DEPDC5: variants seen among roughly 807,000 people sequenced by gnomAD.
DEPDC5 encodes the protein DEP domain containing 5, GATOR1 subcomplex subunit.
In DEPDC5, 73 loss-of-function variants were observed where a neutral mutation model predicts 217.3. That is an observed-to-expected ratio of 0.34 (90% confidence interval 0.28 to 0.41). DEPDC5 has a LOEUF of 0.41. DEPDC5 is among the 10% of genes least tolerant of loss of function. DEPDC5 has a pLI of 1.00. For synonymous variants in DEPDC5, 733 were observed against 756.7 expected (o/e 0.97, Z 0.51); for missense variants, 1,675 against 2,070.1 (o/e 0.81, Z 3.70).
intron 10 of DEPDC5, among the ~76,000 whole-genome samples, chr22:31,787,814 T>TAA (rs373550815): frequency 7.8e-6 from 1 of 127,414 alleles, no homozygotes; most frequent in African/African-American, 2.9e-5. Flanking sequence ...CCTGTCTCTT[T>TAA]AAAAAAAAAA....
At chr22:31,784,072 C>A in intron 9 of DEPDC5, 87 bp downstream of exon 9, 1 of 1,040,160 alleles carries the variant, frequency 9.6e-7, no homozygotes, top group Non-Finnish European at 1.4e-6. Context: ...CAGGGTCCCC[C>A]ACATCATCTT....
At chr22:31,896,771 C>G (rs1262106007) in intron 39 of DEPDC5, among the ~76,000 whole-genome samples, 1 of 152,186 alleles carries the variant, frequency 6.6e-6, no homozygotes, top group Non-Finnish European at 1.5e-5. Flanking sequence ...TCACATTTCT[C>G]TCAGCCAGCC....
chr22:31,853,240 T>G lies in DEPDC5; in HGVS notation c.3156-4205T>G, dbSNP rs542311829. The G allele has an allele frequency of 3.3e-5, 5 of 152,252 alleles. No homozygotes were observed. The East Asian group carries it at 7.7e-4, about 24-fold the overall frequency. The allele number at this position is 152,252 out of a possible 1,614,324, so 9.4% of individuals were successfully genotyped here. A position where few individuals can be genotyped will look rare whatever the true frequency, so the allele number is the denominator to read the frequency against. ...CTTATTTTGTCAGTGAGTCATTGTT[T>G]AGTATGCACCAAGGAGCCTGTTTCT... On this transcript the variant is annotated intron_variant, in intron 31 of 42. Transcript: ENST00000651528.
At chr22:31,793,369 G>A (rs80171341) in intron 12 of DEPDC5, among the ~76,000 whole-genome samples, 3,812 of 152,090 alleles carry the variant, frequency 0.025, 61 homozygotes, top group African/African-American at 0.042. Context: ...AACATTCAGA[G>A]AAGAAGAGCA....
intron 24 of DEPDC5, among the ~76,000 whole-genome samples, chr22:31,829,319 G>A (rs2090412799): frequency 6.6e-6 from 1 of 152,122 alleles, no homozygotes; most frequent in South Asian, 2.1e-4. Context: ...ATCACTTGAA[G>A]TCAGGAGTTC....
chr22:31,768,980 G>A (rs1221399636), intron 7 of DEPDC5, 117 bp downstream of exon 7: 2 of 1,368,616 alleles, frequency 1.5e-6, no homozygotes, highest in Non-Finnish European at 2.0e-6. Context: ...TAGATTGTTG[G>A]CTGGCCACAG....
intron 33 of DEPDC5, among the ~76,000 whole-genome samples, chr22:31,861,970 G>T (rs916865110): frequency 6.6e-6 from 1 of 152,262 alleles, no homozygotes; most frequent in Non-Finnish European, 1.5e-5. Context: ...CGGGTGCGGT[G>T]GCTCACGCCT....
At chr22:31,822,500 C>T (rs986709022) in intron 23 of DEPDC5, among the ~76,000 whole-genome samples, 193 bp from the exon 24 acceptor site, 10 of 152,088 alleles carry the variant, frequency 6.6e-5, no homozygotes, top group Non-Finnish European at 1.2e-4. Flanking sequence ...CACAAGGAGC[C>T]GGCACTGACA....
At chr22:31,886,770 AAAAAAAG>A (rs1486330816) in intron 38 of DEPDC5, among the ~76,000 whole-genome samples, 3 of 145,364 alleles carry the variant, frequency 2.1e-5, no homozygotes, top group African/African-American at 7.8e-5. Context: ...AAAAAAAAAA[AAAAAAAG>A]AGAGAGAGAG....
chr22:31,789,362 A>G (rs565946250), intron 10 of DEPDC5, among the ~76,000 whole-genome samples: 3 of 152,366 alleles, frequency 2.0e-5, no homozygotes, highest in African/African-American at 7.2e-5. Flanking sequence ...AACACATGTT[A>G]AGTGAGAGAA....
chr22:31,847,101 A>G, intron 31 of DEPDC5, 134 bp downstream of exon 31: 1 of 1,288,260 alleles, frequency 7.8e-7, no homozygotes, highest in Non-Finnish European at 1.1e-6. Flanking sequence ...TTTATGTGAA[A>G]AGGAAGGCTA....
intron 36 of DEPDC5, 57 bp downstream of exon 36, chr22:31,874,462 C>A (rs2092936874): frequency 1.9e-6 from 3 of 1,543,776 alleles, no homozygotes; most frequent in Middle Eastern, 3.4e-4. Context: ...AAAATCAGGG[C>A]CTGCCTTAGA....
chr22:31,842,987 CT>C (rs1170463909), intron 27 of DEPDC5, 107 bp from the exon 28 acceptor site: 2 of 793,950 alleles, frequency 2.5e-6, no homozygotes, highest in Non-Finnish European at 1.9e-6. Context: ...GAAACTGCCC[CT>C]AAGAGAAAGT....
At chr22:31,848,744 T>C (rs2149051608) in intron 31 of DEPDC5, among the ~76,000 whole-genome samples, 2 of 152,328 alleles carry the variant, frequency 1.3e-5, no homozygotes, top group Non-Finnish European at 2.9e-5. Flanking sequence ...ATTTCTGCAG[T>C]AGGCTTGAAT....
At chr22:31,781,536 G>A (rs1022717388) in intron 8 of DEPDC5, among the ~76,000 whole-genome samples, 7 of 152,054 alleles carry the variant, frequency 4.6e-5, no homozygotes, top group Non-Finnish European at 1.0e-4. Flanking sequence ...GGGTTCAAGC[G>A]ATTCTCTTGC....
At chr22:31,833,806 G>T in intron 24 of DEPDC5, 109 bp from the exon 25 acceptor site, 1 of 865,860 alleles carries the variant, frequency 1.2e-6, no homozygotes. Context: ...ATTTGCACTT[G>T]GTTTACATTT....
intron 31 of DEPDC5, among the ~76,000 whole-genome samples, chr22:31,855,344 G>A (rs929944213): frequency 6.6e-6 from 1 of 151,312 alleles, no homozygotes. Flanking sequence ...AATGTTTAAG[G>A]ATGAAACAAT....
intron 24 of DEPDC5, among the ~76,000 whole-genome samples, chr22:31,831,948 C>T (rs2090631557): frequency 6.6e-6 from 1 of 152,212 alleles, no homozygotes; most frequent in South Asian, 2.1e-4. Flanking sequence ...CATGTGTTCT[C>T]TGGCAACCAC....
rs918749421 is a variant in DEPDC5 at position 31,791,904 on chromosome 22, T to C, written c.625-129T>C. 9.9e-6 allele frequency: 4 copies of C among 404,222 alleles called. No homozygotes were observed. In the Admixed American group the frequency reaches 1.9e-4, roughly 19 times the overall value. The allele number at this position is 404,222 out of a possible 1,614,324, so 25.0% of individuals were successfully genotyped here. A position where few individuals can be genotyped will look rare whatever the true frequency, so the allele number is the denominator to read the frequency against. On this transcript the variant is annotated intron_variant, in intron 10 of 42. Coordinates refer to ENST00000651528, the MANE Select transcript of DEPDC5 (RefSeq NM_001242896.3). ...ATAGCGCCACTGCACTCCAGCCTGG[T>C]GGCAGAGTAAGACTCCGTCTCAAAA...
Sources: allele counts gnomAD v4.1 joint callset (sites outside exome capture counted in the v4.1 genomes callset), GRCh38; gene constraint gnomAD v4.1.1; transcripts MANE v1.5; gene names NCBI Gene and HGNC (gene_info 2026-07-23, HGNC 2026-07-21).